Variants in DNMBP observed in about 807,000 individuals in gnomAD.
DNMBP encodes the protein dynamin-binding protein.
Under a neutral mutation model 150.0 loss-of-function variants are expected in DNMBP, and 87 were observed. That is an observed-to-expected ratio of 0.58 (90% CI 0.49 to 0.69). The LOEUF is 0.69. Among genes scored for constraint, DNMBP ranks in the 30% least tolerant of loss-of-function variants. The pLI is 0.00. For synonymous variants in DNMBP, 711 were observed against 750.4 expected (o/e 0.95, Z 0.86); for missense variants, 1,774 against 1,949.0 (o/e 0.91, Z 1.69).
At chr10:99,914,304 C>T (rs887172633) in intron 4 of DNMBP, among the ~76,000 whole-genome samples, 13 of 152,172 alleles carry the variant, frequency 8.5e-5, no homozygotes, top group Admixed American at 7.9e-4. Flanking sequence ...AGATTATTAT[C>T]TCTTCCTTTT....
rs532226561 is a variant in DNMBP at position 99,970,971 on chromosome 10, C to CAAAAAAAAAAAAAAAAA, written c.145+992_145+1008dup. Among the ~76,000 whole-genome samples the CAAAAAAAAAAAAAAAAA allele has an allele frequency of 3.8e-3, 126 of 33,192 alleles. 29 individuals carry two copies. The highest frequency in any genetic ancestry group is 5.8e-3 in the African/African-American group (58 of 10,064). The allele number at this position is 33,192 out of a possible 152,430, so 21.8% of individuals were successfully genotyped here. A position where few individuals can be genotyped will look rare whatever the true frequency, so the allele number is the denominator to read the frequency against. ...TGGGCAACAGAGCAAGACTCCGTCT[C>CAAAAAAAAAAAAAAAAA]AAAAAAAAAAAAAAAAAAAAAAAAA... is the stretch of plus-strand genomic sequence containing the variant. On this transcript the variant is annotated intron_variant, in intron 2 of 16. Transcript: ENST00000324109.
intron 1 of DNMBP, 105 bp downstream of exon 1, chr10:100,009,733 C>T (rs1472619873): frequency 6.6e-6 from 1 of 150,734 alleles, no homozygotes; most frequent in African/African-American, 2.4e-5. Context: ...CGGCGCGGCG[C>T]GGCGCGTCTC....
intron 10 of DNMBP, 54 bp from the exon 11 acceptor site, chr10:99,895,104 AC>A: frequency 1.0e-6 from 1 of 984,834 alleles, no homozygotes; most frequent in Non-Finnish European, 1.5e-6. Flanking sequence ...CTTTAATCTT[AC>A]TGGCAAAAGT....
intron 1 of DNMBP, among the ~76,000 whole-genome samples, chr10:99,998,286 A>G (rs1197787774): frequency 6.6e-6 from 1 of 151,614 alleles, no homozygotes; most frequent in Non-Finnish European, 1.5e-5. Flanking sequence ...CACTTAAGAA[A>G]CACATTAACG....
chr10:99,880,387 CAAG>C, intron 15 of DNMBP, 26 bp from the exon 16 acceptor site: 2 of 1,530,866 alleles, frequency 1.3e-6, no homozygotes, highest in Middle Eastern at 1.8e-4. Context: ...GAAATATAAA[CAAG>C]AACTCTTAGC....
chr10:99,968,642 C>T (rs1049641910), intron 3 of DNMBP, among the ~76,000 whole-genome samples: 7 of 149,026 alleles, frequency 4.7e-5, no homozygotes, highest in African/African-American at 1.5e-4. Flanking sequence ...GAGCTGAGAT[C>T]GCACCACTGA....
In DNMBP at chr10:99,899,934, G is replaced by T. The variant is rs751401856; in HGVS notation, c.2687C>A (p.Ser896Tyr). 2 of 1,614,104 alleles carry T rather than the reference G, an allele frequency of 1.2e-6. No individual in the cohort carries two copies. Among genetic ancestry groups the T allele is most frequent in the African/African-American group, 2.7e-5 (2 of 75,028 alleles). ...DEKIQKHLQD[S>Y]LADLKSLYNE... The stretch of plus-strand genomic sequence containing the variant: ...AAACTCCTACTTCAGATCTGCCAAG[G>T]AGTCCTGAAGATGCTTCTGGATCTT... The change falls in exon 7 of 17, where the codon TCC becomes TAC. Residue 896 changes from serine (S) to tyrosine (Y), a missense_variant. Ser to Tyr is a moderately radical substitution (Grantham distance 144). Around this residue, in one of 2 missense-constraint regions of DNMBP, gnomAD observed 1,430 missense variants for 1,492.5 expected, o/e 0.96. Coordinates refer to ENST00000324109, the MANE Select transcript of DNMBP (RefSeq NM_015221.4).
chr10:99,908,849 T>C, intron 5 of DNMBP, 104 bp downstream of exon 5: 2 of 1,079,344 alleles, frequency 1.9e-6, no homozygotes, highest in Non-Finnish European at 2.7e-6. Flanking sequence ...TCACAGTTTC[T>C]ATTTCAAATC....
chr10:99,883,002 G>A (rs554719290), intron 15 of DNMBP, among the ~76,000 whole-genome samples: 16 of 152,268 alleles, frequency 1.1e-4, no homozygotes, highest in African/African-American at 3.1e-4. Context: ...AGCTGAGATC[G>A]TGCTGCTGCA....
intron 6 of DNMBP, among the ~76,000 whole-genome samples, chr10:99,904,164 A>G (rs2039787740): frequency 6.6e-6 from 1 of 152,096 alleles, no homozygotes. Context: ...CTGAGGTGGG[A>G]GGATCGCTTG....
In DNMBP at chr10:99,884,117, A is replaced by C; in HGVS notation, c.3891T>G (p.Asn1297Lys). ...EKLFQAERNFNAAQDLDVSLL... is the reference protein window; with the variant it reads ...EKLFQAERNFKAAQDLDVSLL... ...GTGAGACATCCAAGTCTTGAGCAGC[A>C]TTGAAGTTCCGTTCTGCCTGGAAGA... Residue 1297 changes from asparagine (N) to lysine (K), a missense_variant, in exon 15 of 17, where the codon AAT becomes AAG. This residue lies in a region of DNMBP where 1,430 missense variants were observed against 1,492.5 expected (regional missense o/e 0.96). Coordinates refer to ENST00000324109, the MANE Select transcript of DNMBP (RefSeq NM_015221.4). 1 of 1,614,152 alleles carries C rather than the reference A, an allele frequency of 6.2e-7. No individual in the cohort carries two copies. The highest frequency in any genetic ancestry group is 8.5e-7 in the Non-Finnish European group (1 of 1,180,018).
chr10:99,888,816 G>C lies in DNMBP; in HGVS notation c.3285+9C>G, dbSNP rs1478811400. 6.2e-7 allele frequency: 1 copy of C among 1,613,868 alleles called. No homozygotes were observed. Among genetic ancestry groups the C allele is most frequent in the Admixed American group, 1.7e-5 (1 of 59,968 alleles). Reference sequence around the variant, plus strand: ...AAGGGGGCCAACTTTTGAAGAAAAAGTTACTTACAAAGTTTGTGAAGAGCT... The same window carrying C: ...AAGGGGGCCAACTTTTGAAGAAAAACTTACTTACAAAGTTTGTGAAGAGCT... On this transcript the variant is annotated intron_variant, in intron 12 of 16. Coordinates refer to ENST00000324109, the MANE Select transcript of DNMBP (RefSeq NM_015221.4).
intron 1 of DNMBP, among the ~76,000 whole-genome samples, chr10:99,997,030 C>T (rs1292632685): frequency 1.3e-5 from 2 of 152,224 alleles, no homozygotes; most frequent in Non-Finnish European, 2.9e-5. Context: ...TTATGTTCCA[C>T]AGCCCATATA....
At chr10:99,989,279 A>G (rs901247948) in intron 1 of DNMBP, among the ~76,000 whole-genome samples, 5 of 152,250 alleles carry the variant, frequency 3.3e-5, no homozygotes, top group Admixed American at 6.5e-5. Flanking sequence ...AGTGGAGTGG[A>G]GATGGCATAA....
In DNMBP at chr10:99,943,488, G is replaced by A. The variant is rs568577170; in HGVS notation, c.2260+11726C>T. Among the ~76,000 whole-genome samples, 8 of 152,066 alleles carry A rather than the reference G, an allele frequency of 5.3e-5. No individual in the cohort carries two copies. In the South Asian group the frequency reaches 8.3e-4, roughly 16 times the overall value. ...TATGATGACAGCTCACTGCAGCCTCGGCCTCCTGGGCTCACCCAATCCTCC... is the reference window on the plus strand; with the variant it reads ...TATGATGACAGCTCACTGCAGCCTCAGCCTCCTGGGCTCACCCAATCCTCC... On this transcript the variant is annotated intron_variant, in intron 4 of 16. Coordinates refer to ENST00000324109, the MANE Select transcript of DNMBP (RefSeq NM_015221.4).
intron 8 of DNMBP, 44 bp from the exon 9 acceptor site, chr10:99,898,329 T>C: frequency 1.3e-6 from 2 of 1,529,268 alleles, no homozygotes; most frequent in East Asian, 4.5e-5. Flanking sequence ...ATCAATAATA[T>C]AGCGCCCAGC....
chr10:99,878,536 C>T (rs1477003966), intron 16 of DNMBP, among the ~76,000 whole-genome samples: 4 of 152,168 alleles, frequency 2.6e-5, no homozygotes, highest in African/African-American at 9.6e-5. Context: ...ACCAGAAAAA[C>T]GAGCATGCAC....
At chr10:100,000,528 G>A (rs1441562861) in intron 1 of DNMBP, among the ~76,000 whole-genome samples, 1 of 152,168 alleles carries the variant, frequency 6.6e-6, no homozygotes, top group Non-Finnish European at 1.5e-5. Context: ...ATTTCTCTGT[G>A]TCTGGGTGGA....
Position 99,955,294 on chromosome 10 carries a change from G to C in DNMBP, c.2180C>G (p.Ser727Ter), listed in dbSNP as rs900512696. The change falls in exon 4 of 17, where the codon TCA becomes TGA. Residue 727 changes from serine (S) to a stop codon, truncating the protein, a stop_gained. Coordinates refer to ENST00000324109, the MANE Select transcript of DNMBP (RefSeq NM_015221.4). LOFTEE classifies it high-confidence loss of function. ...GAGATCCTCGAGGGTCTCTGCTCTT[G>C]ATGATTCATCCTGCTTCTCCTCCAG... Reference protein sequence around the residue: ...LMLEEKQDESSRAETLEDLKF... With the variant: ...LMLEEKQDES The C allele has an allele frequency of 3.1e-6, 5 of 1,614,068 alleles. No individual in the cohort carries two copies. Among genetic ancestry groups the C allele is most frequent in the Non-Finnish European group, 3.4e-6 (4 of 1,179,988 alleles).
Sources: gnomAD v4.1 joint callset for allele counts (sites outside exome capture counted in the v4.1 genomes callset) on GRCh38, gnomAD v4.1.1 for gene constraint, gnomAD v4.1.1 regional missense constraint, MANE v1.5 for transcripts, NCBI Gene and HGNC (gene_info 2026-07-23, HGNC 2026-07-21) for gene names.